The following C5orf58 variants were observed in gnomAD, a reference collection of about 807,000 sequenced individuals.
The protein encoded by C5orf58 is chromosome 5 open reading frame 58.
C5orf58 carries 2 observed loss-of-function variants against 2.9 expected under a neutral mutation model. The ratio of observed to expected loss-of-function variants is 0.69; its 90% CI spans 0.28 to 2.18. The LOEUF (loss-of-function observed/expected upper bound fraction) is 2.18. Among genes scored for constraint, C5orf58 ranks in the 30% most tolerant of loss-of-function variants. The pLI, the probability that C5orf58 is intolerant of heterozygous loss-of-function variation, is 0.13. For missense variants in C5orf58, 96 were observed against 91.7 expected, an observed-to-expected ratio of 1.05 and a Z score of -0.19; for synonymous variants, 37 against 33.4, an observed-to-expected ratio of 1.11 and a Z score of -0.37.
In C5orf58 at chr5:170,241,534, A is replaced by G. The variant is rs1288389684; in HGVS notation, c.95-4428A>G. On this transcript the variant is annotated intron_variant, in intron 3 of 3. Coordinates refer to ENST00000593851, the MANE Select transcript of C5orf58 (RefSeq NM_001102609.3). Reference sequence around the variant, plus strand: ...ATCCCTAGGTATTTTATTCTCTTTGAAGCAATTGTGAATGGGAGTTCACTC... The same window carrying G: ...ATCCCTAGGTATTTTATTCTCTTTGGAGCAATTGTGAATGGGAGTTCACTC... 7.3e-5 allele frequency among the ~76,000 whole-genome samples: 11 copies of G among 150,500 alleles called. No individual in the cohort carries two copies. The East Asian group carries it at 2.1e-3, about 29-fold the overall frequency.
At chr5:170,250,914 G>A, downstream of C5orf58, 1 of 1,601,604 alleles carries the variant, frequency 6.2e-7, no homozygotes, top group Non-Finnish European at 8.5e-7. Context: ...GTTATTATGG[G>A]AGCAGTAAAA....
At chr5:170,252,185 T>C in exon 3 of C5orf58, 1 of 314,910 alleles carries the variant, frequency 3.2e-6, no homozygotes, top group Non-Finnish European at 6.0e-6. Flanking sequence ...ATTAATAAAA[T>C]CTCCTAAGAT....
downstream of C5orf58, chr5:170,246,745 A>T (rs1354341390): frequency 1.3e-5 from 2 of 152,316 alleles, no homozygotes; most frequent in Non-Finnish European, 2.9e-5. Flanking sequence ...CTTTAGTAAG[A>T]TGTTTATCAC....
chr5:170,240,560 G>A (rs1760954862), intron 3 of C5orf58, among the ~76,000 whole-genome samples: 2 of 151,978 alleles, frequency 1.3e-5, no homozygotes, highest in South Asian at 2.1e-4. Context: ...GTTTTTGGCT[G>A]CATAAATGTC....
At position 170,237,233 on chromosome 5, in the gene C5orf58, T is replaced by C; in HGVS notation, c.94+2163T>C. 5 of 398,352 alleles carry C rather than the reference T, an allele frequency of 1.3e-5. No individual in the cohort carries two copies. The East Asian group carries it at 1.8e-4, about 14-fold the overall frequency. The allele number at this position is 398,352 out of a possible 1,614,324, so 24.7% of individuals were successfully genotyped here. On this transcript the variant is annotated intron_variant, in intron 3 of 3. Coordinates refer to ENST00000593851, the MANE Select transcript of C5orf58 (RefSeq NM_001102609.3). ...CTTCTGGTAAATGTAGAGGATTAAATGAACACTCTGTGCACCCTCACTTCC... is the reference window on the plus strand; with the variant it reads ...CTTCTGGTAAATGTAGAGGATTAAACGAACACTCTGTGCACCCTCACTTCC...
intron 3 of C5orf58, among the ~76,000 whole-genome samples, chr5:170,235,379 T>A (rs998229444): frequency 2.0e-5 from 3 of 152,168 alleles, no homozygotes; most frequent in African/African-American, 7.2e-5. Flanking sequence ...TCAGCAAAAT[T>A]CATTGTCTTT....
intron 3 of C5orf58, among the ~76,000 whole-genome samples, chr5:170,243,502 T>C (rs1761111997): frequency 6.6e-6 from 1 of 152,080 alleles, no homozygotes; most frequent in African/African-American, 2.4e-5. Context: ...TTAGCTCTTC[T>C]TGTTGAATAC....
intron 3 of C5orf58, chr5:170,237,253 A>T (rs1277099131): frequency 5.0e-6 from 2 of 398,266 alleles, no homozygotes; most frequent in Non-Finnish European, 8.9e-6. Flanking sequence ...GTGCACCCTC[A>T]CTTCCTCCCC....
intron 2 of C5orf58, 75 bp from the exon 3 acceptor site, chr5:170,234,902 C>T (rs976530010): frequency 1.7e-6 from 1 of 598,158 alleles, no homozygotes; most frequent in African/African-American, 2.0e-5. Flanking sequence ...TATAGAAATA[C>T]TGAAAATGTA....
intron 3 of C5orf58, among the ~76,000 whole-genome samples, chr5:170,240,654 C>A (rs1581041133): frequency 6.6e-6 from 1 of 151,524 alleles, no homozygotes; most frequent in African/African-American, 2.4e-5. Context: ...TGTTTGAGTT[C>A]ACTGTAGATT....
At chr5:170,241,551 A>C (rs1386657051) in intron 3 of C5orf58, among the ~76,000 whole-genome samples, 1 of 150,832 alleles carries the variant, frequency 6.6e-6, no homozygotes, top group African/African-American at 2.5e-5. Context: ...TGTGAATGGG[A>C]GTTCACTCAT....
At chr5:170,245,160 C>T (rs1322535719) in intron 3 of C5orf58, among the ~76,000 whole-genome samples, 2 of 152,190 alleles carry the variant, frequency 1.3e-5, no homozygotes, top group South Asian at 2.1e-4. Flanking sequence ...GCTGGGAGAA[C>T]CACTGCTCTC....
chr5:170,246,271 G>C (rs1169709571), downstream of C5orf58: 4 of 616,132 alleles, frequency 6.5e-6, no homozygotes, highest in African/African-American at 7.3e-5. Context: ...TTGAAGAATG[G>C]CTTAACTTAC....
chr5:170,236,668 C>T (rs751531226), intron 3 of C5orf58, among the ~76,000 whole-genome samples: 1 of 152,170 alleles, frequency 6.6e-6, no homozygotes, highest in Non-Finnish European at 1.5e-5. Context: ...TTCTATGCTC[C>T]AGCTGTACTG....
chr5:170,247,345 C>T (rs964291067), downstream of C5orf58: 1 of 152,204 alleles, frequency 6.6e-6, no homozygotes, highest in African/African-American at 2.4e-5. Flanking sequence ...CTACCTTCTG[C>T]ATACTCCTTA....
downstream of C5orf58, chr5:170,246,807 G>A (rs1486803479): frequency 1.3e-5 from 2 of 152,214 alleles, no homozygotes; most frequent in African/African-American, 4.8e-5. Context: ...CATATAGAAG[G>A]TCTGTGGCCA....
intron 2 of C5orf58, chr5:170,251,458 C>T: frequency 3.9e-6 from 1 of 259,164 alleles, no homozygotes; most frequent in Non-Finnish European, 8.1e-6. Flanking sequence ...TTTTGATTGT[C>T]CTGTACTTTA....
At chr5:170,251,091 G>A (rs1761428387), downstream of C5orf58, 4 of 497,844 alleles carry the variant, frequency 8.0e-6, no homozygotes, top group East Asian at 1.4e-4. Flanking sequence ...TTGTTATTAA[G>A]AAAGGCAACA....
downstream of C5orf58, chr5:170,251,109 T>C: frequency 2.2e-6 from 1 of 454,698 alleles, no homozygotes. Context: ...ACAGAGATTG[T>C]ATCAAAGAAA....
Sources: allele counts gnomAD v4.1 joint callset (sites outside exome capture counted in the v4.1 genomes callset), GRCh38; gene constraint gnomAD v4.1.1; transcripts MANE v1.5; gene names NCBI Gene and HGNC (gene_info 2026-07-23, HGNC 2026-07-21).